The following SOX6 variants were observed in gnomAD, a reference collection of about 807,000 sequenced individuals.
The protein encoded by SOX6 is SRY-box transcription factor 6.
A neutral mutation model predicts 97.8 loss-of-function variants in SOX6; 11 were observed. The observed-to-expected ratio is 0.11, with a 90% CI of 0.07 to 0.19. The LOEUF (loss-of-function observed/expected upper bound fraction) is 0.19. Among genes scored for constraint, SOX6 ranks in the 10% least tolerant of loss-of-function variants. SOX6 has a pLI of 1.00. For synonymous variants in SOX6, 360 were observed against 371.4 expected (o/e 0.97, Z 0.35); for missense variants, 810 against 1,039.5 (o/e 0.78, Z 3.04).
intron 3 of SOX6, among the ~76,000 whole-genome samples, chr11:16,690,614 T>A (rs541315461): frequency 7.9e-5 from 12 of 152,354 alleles, no homozygotes; most frequent in South Asian, 2.1e-4. Flanking sequence ...TGTACTTTTT[T>A]AAAAATCTCA....
chr11:16,153,059 G>A (rs981974285), intron 6 of SOX6, among the ~76,000 whole-genome samples: 2 of 152,078 alleles, frequency 1.3e-5, no homozygotes, highest in African/African-American at 4.8e-5. Flanking sequence ...TAGAGACAAG[G>A]TTTCACCATG....
chr11:16,529,468 A>G (rs1861210989), intron 4 of SOX6, among the ~76,000 whole-genome samples: 2 of 152,104 alleles, frequency 1.3e-5, no homozygotes, highest in Admixed American at 6.6e-5. Context: ...AAACAGGCAA[A>G]TATTTTCCCA....
chr11:16,463,414 C>A (rs1406208961), intron 1 of SOX6, among the ~76,000 whole-genome samples: 1 of 152,112 alleles, frequency 6.6e-6, no homozygotes, highest in African/African-American at 2.4e-5. Context: ...AATAAATATA[C>A]AAATATGTGA....
At chr11:16,050,238 A>C (rs1365758909) in intron 10 of SOX6, among the ~76,000 whole-genome samples, 1 of 152,208 alleles carries the variant, frequency 6.6e-6, no homozygotes, top group Non-Finnish European at 1.5e-5. Flanking sequence ...GATCTAAATT[A>C]ACCTAGGGCA....
chr11:16,267,327 A>G (rs1241362444), intron 3 of SOX6, among the ~76,000 whole-genome samples: 5 of 151,680 alleles, frequency 3.3e-5, no homozygotes, highest in Admixed American at 3.3e-4. Flanking sequence ...ATATATAAAG[A>G]AGTCAAACAA....
At chr11:15,973,280 G>A in intron 15 of SOX6, among the ~76,000 whole-genome samples, 168 bp from the exon 16 acceptor site, 1 of 152,206 alleles carries the variant, frequency 6.6e-6, no homozygotes, top group East Asian at 1.9e-4. Context: ...GAGGAGTACT[G>A]CAAATCTCCT....
At chr11:16,482,803 G>A (rs570804528) in intron 4 of SOX6, among the ~76,000 whole-genome samples, 2 of 152,278 alleles carry the variant, frequency 1.3e-5, no homozygotes, top group Admixed American at 1.3e-4. Context: ...GAGTATTAAA[G>A]AAGGGTCAAG....
chr11:16,123,172 A>G (rs1346408525), intron 6 of SOX6, among the ~76,000 whole-genome samples: 1 of 152,016 alleles, frequency 6.6e-6, no homozygotes, highest in Non-Finnish European at 1.5e-5. Context: ...GATAATTCTC[A>G]CCCAAAGAGC....
intron 6 of SOX6, among the ~76,000 whole-genome samples, chr11:16,152,969 A>G (rs1850497575): frequency 6.6e-6 from 1 of 151,772 alleles, no homozygotes; most frequent in East Asian, 2.0e-4. Context: ...CAGGTTCAAG[A>G]GATTCTCCTG....
intron 4 of SOX6, among the ~76,000 whole-genome samples, chr11:16,572,481 T>G (rs1292967797): frequency 1.3e-5 from 2 of 152,206 alleles, no homozygotes; most frequent in East Asian, 3.8e-4. Flanking sequence ...TTCCCAACAC[T>G]TAACAAAAGT....
At chr11:16,395,550 A>G (rs1394066572) in intron 1 of SOX6, among the ~76,000 whole-genome samples, 1 of 151,832 alleles carries the variant, frequency 6.6e-6, no homozygotes, top group African/African-American at 2.4e-5. Flanking sequence ...ATCAGAAAGA[A>G]TGATTTGGGA....
chr11:16,234,274 CTATCTT>C (rs1010549475), intron 4 of SOX6, among the ~76,000 whole-genome samples: 9 of 152,108 alleles, frequency 5.9e-5, no homozygotes, highest in African/African-American at 2.2e-4. Context: ...AAAACTAAGA[CTATCTT>C]TAGCTTAATT....
intron 9 of SOX6, among the ~76,000 whole-genome samples, chr11:16,080,183 A>G (rs1235311112): frequency 6.6e-6 from 1 of 151,320 alleles, no homozygotes; most frequent in Non-Finnish European, 1.5e-5. Context: ...GTATACATAG[A>G]TCAAAACATC....
chr11:16,252,565 A>G (rs1853546920), intron 3 of SOX6: 1 of 152,324 alleles, frequency 6.6e-6, no homozygotes, highest in Admixed American at 6.5e-5. Flanking sequence ...AGGTCCTCAC[A>G]GAGAGTGTCA....
chr11:16,505,554 G>T (rs1019636380), intron 4 of SOX6, among the ~76,000 whole-genome samples: 11 of 152,208 alleles, frequency 7.2e-5, no homozygotes, highest in African/African-American at 2.7e-4. Context: ...ATTTCCTGGG[G>T]AGGAATTCAA....
intron 2 of SOX6, among the ~76,000 whole-genome samples, chr11:16,721,296 G>C (rs1232266459): frequency 6.6e-6 from 1 of 152,090 alleles, no homozygotes. Context: ...TATTCTCTTT[G>C]GATTAATCTG....
chr11:16,279,544 C>T (rs962045842), intron 3 of SOX6, among the ~76,000 whole-genome samples: 3 of 151,958 alleles, frequency 2.0e-5, no homozygotes, highest in African/African-American at 7.2e-5. Context: ...TTCACAATTA[C>T]AATGTTGCTT....
At chr11:16,394,833 T>C (rs561198358) in intron 1 of SOX6, among the ~76,000 whole-genome samples, 31 of 151,928 alleles carry the variant, frequency 2.0e-4, no homozygotes, top group African/African-American at 7.5e-4. Flanking sequence ...TCCATGAGTT[T>C]ATAATTTGAA....
At chr11:16,670,296 G>C (rs1847838313) in intron 3 of SOX6, among the ~76,000 whole-genome samples, 1 of 152,056 alleles carries the variant, frequency 6.6e-6, no homozygotes. Flanking sequence ...ATATGGAGAA[G>C]AGACCAATCT....
Sources: allele counts gnomAD v4.1 joint callset (sites outside exome capture counted in the v4.1 genomes callset), GRCh38; gene constraint gnomAD v4.1.1; transcripts MANE v1.5; gene names NCBI Gene and HGNC (gene_info 2026-07-23, HGNC 2026-07-21).